Variants in PFKP observed in about 807,000 individuals in gnomAD.
PFKP encodes the protein phosphofructokinase, platelet, also known as ATP-dependent 6-phosphofructokinase, platelet type.
In PFKP, 101 loss-of-function variants were observed where a neutral mutation model predicts 94.3. That is an observed-to-expected ratio of 1.07 (90% CI 0.91 to 1.26). The LOEUF (loss-of-function observed/expected upper bound fraction) is 1.26. PFKP is among the 50% of genes most tolerant of loss of function. The pLI is 0.00. For missense variants in PFKP, 1,145 were observed against 1,103.3 expected (o/e 1.04, Z -0.53); for synonymous variants, 573 against 432.6 (o/e 1.32, Z -4.03).
In PFKP at chr10:3,115,495, G is replaced by A. The variant is rs1239774827; in HGVS notation, c.1372-1281G>A. 1.5e-4 allele frequency among the ~76,000 whole-genome samples: 21 copies of A among 139,644 alleles called. 4 individuals carry two copies. Among genetic ancestry groups the A allele is most frequent in the East Asian group, 1.3e-3 (6 of 4,476 alleles). The allele number at this position is 139,644 out of a possible 152,430, so 91.6% of individuals were successfully genotyped here. On this transcript the variant is annotated intron_variant, in intron 13 of 21. Transcript: ENST00000381125. Reference sequence around the variant, plus strand: ...CATGGAGGACAGGACTGGGGATGCTGGGGTGAAGGTGTGTGTCCCACAGCT... The same window carrying A: ...CATGGAGGACAGGACTGGGGATGCTAGGGTGAAGGTGTGTGTCCCACAGCT...
chr10:3,120,369 C>CTGTGTGTGTGTG (rs3841457), intron 16 of PFKP, among the ~76,000 whole-genome samples: 77 of 108,582 alleles, frequency 7.1e-4, no homozygotes, highest in African/African-American at 2.2e-3. Flanking sequence ...TTAAAAATCG[C>CTGTGTGTGTGTG]TGTGTGTGTG....
chr10:3,135,749 C>T lies in PFKP; in HGVS notation c.2136C>T (p.Thr712=), dbSNP rs1383178892. 1 of 1,608,802 alleles carries T rather than the reference C, an allele frequency of 6.2e-7. No homozygotes were observed. The highest frequency in any genetic ancestry group is 8.5e-7 in the Non-Finnish European group (1 of 1,175,960). ...KEARGRGKKF[T]TDDSICVLGI... Reference sequence around the variant, plus strand: ...AATCTTTTATAGGAAAAAAATTTACCACCGATGATTCCATTTGTGTGCTGG... The same window carrying T: ...AATCTTTTATAGGAAAAAAATTTACTACCGATGATTCCATTTGTGTGCTGG... The change falls in exon 21 of 22, where the codon ACC becomes ACT. Residue 712 remains threonine (T), a synonymous_variant. Coordinates refer to ENST00000381125, the MANE Select transcript of PFKP (RefSeq NM_002627.5).
intron 1 of PFKP, among the ~76,000 whole-genome samples, chr10:3,074,263 G>A (rs927515444): frequency 1.1e-4 from 17 of 152,194 alleles, no homozygotes; most frequent in South Asian, 2.1e-4. Flanking sequence ...GGTGAGGTGC[G>A]GGTACGACGT....
At chr10:3,110,851 A>C (rs969144279) in intron 10 of PFKP, among the ~76,000 whole-genome samples, 1 of 150,452 alleles carries the variant, frequency 6.6e-6, no homozygotes, top group African/African-American at 2.5e-5. Context: ...TATATGCATG[A>C]GTATGCATGT....
chr10:3,109,544 G>A (rs1835958581), intron 10 of PFKP, 64 bp downstream of exon 10: 2 of 1,566,000 alleles, frequency 1.3e-6, no homozygotes, highest in African/African-American at 2.7e-5. Flanking sequence ...TGCTTGTCAG[G>A]CCAGCCTGGG....
At chr10:3,114,055 G>A (rs376936283) in intron 13 of PFKP, among the ~76,000 whole-genome samples, 15 of 152,360 alleles carry the variant, frequency 9.8e-5, no homozygotes, top group South Asian at 4.1e-4. Flanking sequence ...CTGGGTGCAC[G>A]AGGGAGGACT....
In PFKP at chr10:3,093,023, G is replaced by GA. The variant is rs551067398; in HGVS notation, c.187-6250dup. ...TGAGCTCCTGCTCCTGGGATGTGTG[G>GA]AAGGGGGTGGCCACAGAAGCCTGAA... On this transcript the variant is annotated intron_variant, in intron 2 of 21. Coordinates refer to ENST00000381125, the MANE Select transcript of PFKP (RefSeq NM_002627.5). Among the ~76,000 whole-genome samples the GA allele has an allele frequency of 2.1e-4, 32 of 150,940 alleles. 1 individual carries two copies. The South Asian group carries it at 6.8e-3, about 32-fold the overall frequency.
In PFKP at chr10:3,112,354, C is replaced by T. The variant is rs373829642; in HGVS notation, c.1154+68C>T. The T allele has an allele frequency of 7.9e-5, 91 of 1,151,180 alleles. No individual in the cohort carries two copies. In the Admixed American group the frequency reaches 1.2e-3, roughly 15 times the overall value. 71.3% of individuals were successfully genotyped at this position (1,151,180 alleles called of 1,614,324 possible). On this transcript the variant is annotated intron_variant, in intron 11 of 21. Transcript: ENST00000381125. ...ACCCCTCAGGCCCAGCCACTGCAAACGTGCTTAGGGGTTGTGCTTATTCCA... is the reference window on the plus strand; with the variant it reads ...ACCCCTCAGGCCCAGCCACTGCAAATGTGCTTAGGGGTTGTGCTTATTCCA...
At position 3,119,934 on chromosome 10, in the gene PFKP, C is replaced by T; in HGVS notation, c.1573C>T (p.His525Tyr). The T allele has an allele frequency of 6.2e-7, 1 of 1,614,138 alleles. No individual in the cohort carries two copies. Residue 525 changes from histidine to tyrosine, a missense_variant, in exon 16 of 22, where the codon CAC becomes TAC. Transcript: ENST00000381125. ...GGAGCTGTCAGCCGCCCGGGAGAAG[C>T]ACGAGGAGTTCTGTGTCCCCATGGT... ...LLELSAAREK[H>Y]EEFCVPMVMV...
At chr10:3,113,757 G>T (rs1046381641) in intron 13 of PFKP, among the ~76,000 whole-genome samples, 3 of 152,142 alleles carry the variant, frequency 2.0e-5, no homozygotes, top group African/African-American at 7.2e-5. Context: ...GGTGCTGGGG[G>T]ATGGCAGTGC....
chr10:3,079,656 G>T (rs1416440185), intron 1 of PFKP, among the ~76,000 whole-genome samples: 3 of 66,946 alleles, frequency 4.5e-5, no homozygotes, highest in African/African-American at 1.6e-4. Context: ...TCTTCAGAGA[G>T]CGGGGTGGGG....
intron 1 of PFKP, among the ~76,000 whole-genome samples, chr10:3,073,654 A>G (rs987965692): frequency 2.7e-5 from 4 of 150,054 alleles, no homozygotes; most frequent in African/African-American, 7.4e-5. Context: ...GAGAAGATTC[A>G]TTAATATAGG....
At chr10:3,114,260 C>A (rs1836569025) in intron 13 of PFKP, among the ~76,000 whole-genome samples, 1 of 152,026 alleles carries the variant, frequency 6.6e-6, no homozygotes, top group Non-Finnish European at 1.5e-5. Flanking sequence ...AGCGATTCTC[C>A]TGCCTCAGCC....
intron 2 of PFKP, among the ~76,000 whole-genome samples, chr10:3,098,174 T>C (rs1326741204): frequency 1.3e-5 from 2 of 152,190 alleles, no homozygotes; most frequent in Non-Finnish European, 2.9e-5. Context: ...ACCTTTCTTT[T>C]TTCTGTCCTC....
rs1038677108 is a variant in PFKP at position 3,134,939 on chromosome 10, C to T, written c.2122+357C>T. 2.6e-5 allele frequency among the ~76,000 whole-genome samples: 4 copies of T among 152,186 alleles called. No individual in the cohort carries two copies. The East Asian group carries it at 7.7e-4, about 29-fold the overall frequency. ...GTTTGCTAGGACAACCTCCTTGTGACTATCCATCAAAACTTCCAGTTTTGA... is the reference window on the plus strand; with the variant it reads ...GTTTGCTAGGACAACCTCCTTGTGATTATCCATCAAAACTTCCAGTTTTGA... On this transcript the variant is annotated intron_variant, in intron 20 of 21. Transcript: ENST00000381125.
At chr10:3,075,630 C>A (rs1469037526) in intron 1 of PFKP, among the ~76,000 whole-genome samples, 2 of 147,954 alleles carry the variant, frequency 1.4e-5, no homozygotes, top group African/African-American at 2.5e-5. Flanking sequence ...CTCTGGGTGC[C>A]AAGACTCAAC....
intron 19 of PFKP, among the ~76,000 whole-genome samples, chr10:3,134,097 C>T (rs1218614412): frequency 6.6e-6 from 1 of 152,118 alleles, no homozygotes; most frequent in Non-Finnish European, 1.5e-5. Flanking sequence ...AAGCCAGAGC[C>T]CATGAATCCC....
intron 16 of PFKP, among the ~76,000 whole-genome samples, chr10:3,122,275 G>A (rs1305230772): frequency 3.9e-5 from 6 of 152,182 alleles, no homozygotes. Context: ...TGTCTTGGGA[G>A]TGCGGTGGTT....
chr10:3,117,420 G>T (rs915547909), intron 14 of PFKP, among the ~76,000 whole-genome samples: 3 of 152,184 alleles, frequency 2.0e-5, no homozygotes, highest in African/African-American at 7.2e-5. Context: ...CATGTCAGAG[G>T]TGCGAATATT....
Sources: gnomAD v4.1 joint callset for allele counts (sites outside exome capture counted in the v4.1 genomes callset) on GRCh38, gnomAD v4.1.1 for gene constraint, MANE v1.5 for transcripts, NCBI Gene and HGNC (gene_info 2026-07-23, HGNC 2026-07-21) for gene names.